The following ARID4B variants were observed in gnomAD, a reference collection of about 807,000 sequenced individuals.
The protein encoded by ARID4B is AT-rich interactive domain-containing protein 4B.
A neutral mutation model predicts 147.5 loss-of-function variants in ARID4B; 26 were observed. That is an observed-to-expected ratio of 0.18 (90% confidence interval 0.13 to 0.24). ARID4B has a LOEUF of 0.24. ARID4B is among the 10% of genes least tolerant of loss of function. The probability of loss-of-function intolerance (pLI) is 1.00; values close to 1 mark genes in which losing one functional copy is unlikely to be tolerated. For synonymous variants in ARID4B, 512 were observed against 507.9 expected, an observed-to-expected ratio of 1.01 and a Z score of -0.11; for missense variants, 1,179 against 1,511.5, an observed-to-expected ratio of 0.78 and a Z score of 3.65.
intron 17 of ARID4B, among the ~76,000 whole-genome samples, chr1:235,200,987 C>CAA: frequency 6.6e-6 from 1 of 151,550 alleles, no homozygotes; most frequent in Admixed American, 6.6e-5. Context: ...AATAAAAATA[C>CAA]AAAAAAAATT....
chr1:235,277,823 AT>A (rs1671437489), intron 2 of ARID4B, among the ~76,000 whole-genome samples: 1 of 152,158 alleles, frequency 6.6e-6, no homozygotes, highest in Non-Finnish European at 1.5e-5. Context: ...ATAAGAAACA[AT>A]TTCAAGATGA....
At chr1:235,315,544 T>C (rs1674368754) in intron 2 of ARID4B, among the ~76,000 whole-genome samples, 1 of 152,240 alleles carries the variant, frequency 6.6e-6, no homozygotes, top group Admixed American at 6.5e-5. Context: ...GACAGGTAAA[T>C]TTGTAACTTA....
chr1:235,186,936 T>A (rs1664723895), intron 19 of ARID4B: 1 of 244,748 alleles, frequency 4.1e-6, no homozygotes, highest in African/African-American at 2.4e-5. Flanking sequence ...CCTCAAGTGA[T>A]CTGCCCACCT....
At chr1:235,274,993 T>TTG (rs72168611) in intron 2 of ARID4B, among the ~76,000 whole-genome samples, 3,275 of 148,470 alleles carry the variant, frequency 0.022, 52 homozygotes, top group African/African-American at 0.041. Flanking sequence ...AGGCCTAATT[T>TTG]TGTGTGTGTG....
intron 23 of ARID4B, among the ~76,000 whole-genome samples, chr1:235,169,214 A>G (rs1467561229): frequency 6.6e-6 from 1 of 151,292 alleles, no homozygotes; most frequent in Non-Finnish European, 1.5e-5. Context: ...GAAGTCTCTC[A>G]CTGTTTCCTT....
At chr1:235,250,188 C>T (rs1669558945) in intron 6 of ARID4B, among the ~76,000 whole-genome samples, 1 of 151,912 alleles carries the variant, frequency 6.6e-6, no homozygotes, top group African/African-American at 2.4e-5. Flanking sequence ...CCATGAAAAT[C>T]CTGAATTTCA....
chr1:235,182,292 G>C lies in ARID4B; in HGVS notation c.2627C>G (p.Thr876Ser), dbSNP rs1456879118. Reference sequence around the variant, plus strand: ...TTCCTCCAAACCATTGTATTTCTTAGTTGGTGTCATCTTTGCTTTTGTTTC... The same window carrying C: ...TTCCTCCAAACCATTGTATTTCTTACTTGGTGTCATCTTTGCTTTTGTTTC... ...EEETKAKMTPTKKYNGLEEKR... is the reference protein window; with the variant it reads ...EEETKAKMTPSKKYNGLEEKR... The change falls in exon 20 of 24, where the codon ACT becomes AGT. Residue 876 changes from threonine (T) to serine (S), a missense_variant. Transcript: ENST00000264183. The C allele has an allele frequency of 6.2e-7, 1 of 1,613,874 alleles. No individual in the cohort carries two copies.
At chr1:235,183,773 C>CTTTT (rs71172266) in intron 19 of ARID4B, among the ~76,000 whole-genome samples, 72,383 of 151,088 alleles carry the variant, frequency 0.48, 17,626 homozygotes, top group South Asian at 0.6. Context: ...CTTTCTCTTT[C>CTTTT]CTTTCTCTTT....
At chr1:235,173,781 T>C (rs1358441903) in intron 22 of ARID4B, among the ~76,000 whole-genome samples, 1 of 47,036 alleles carries the variant, frequency 2.1e-5, no homozygotes, top group Non-Finnish European at 3.4e-5. Flanking sequence ...AATATATATA[T>C]ATATATATAT....
At chr1:235,327,020 C>G (rs998213941) in intron 1 of ARID4B, 52 bp from the exon 2 acceptor site, 6 of 1,246,854 alleles carry the variant, frequency 4.8e-6, no homozygotes, top group African/African-American at 4.5e-5. Flanking sequence ...CCCCTCTGCA[C>G]TGGCGGAGGC....
intron 16 of ARID4B, among the ~76,000 whole-genome samples, chr1:235,219,415 C>A (rs900046515): frequency 6.6e-5 from 10 of 152,074 alleles, no homozygotes; most frequent in African/African-American, 2.4e-4. Flanking sequence ...AGTATTTTTC[C>A]ACTCTTGCTT....
At position 235,220,571 on chromosome 1, in the gene ARID4B, T is replaced by G. The variant is rs575589174; in HGVS notation, c.1164-26A>C. 88 of 1,512,840 alleles carry G rather than the reference T, an allele frequency of 5.8e-5. 1 individual carries two copies. In the East Asian group the frequency reaches 1.9e-3, roughly 33 times the overall value. The allele number at this position is 1,512,840 out of a possible 1,614,324, so 93.7% of individuals were successfully genotyped here. A position where few individuals can be genotyped will look rare whatever the true frequency, so the allele number is the denominator to read the frequency against. On this transcript the variant is annotated intron_variant, in intron 14 of 23. Coordinates refer to ENST00000264183, the MANE Select transcript of ARID4B (RefSeq NM_016374.6). Reference sequence around the variant, plus strand: ...CTGGAAACATGAAGAGAAATTACATTTGGTGAAAACATTTCAAAATATAAC... The same window carrying G: ...CTGGAAACATGAAGAGAAATTACATGTGGTGAAAACATTTCAAAATATAAC...
intron 19 of ARID4B, among the ~76,000 whole-genome samples, chr1:235,191,599 C>G (rs139862994): frequency 6.6e-6 from 1 of 152,166 alleles, no homozygotes; most frequent in East Asian, 1.9e-4. Context: ...CTAGGTTTAT[C>G]AGAACTGGCT....
At chr1:235,266,465 C>T (rs1467167725) in intron 2 of ARID4B, among the ~76,000 whole-genome samples, 1 of 152,182 alleles carries the variant, frequency 6.6e-6, no homozygotes, top group Non-Finnish European at 1.5e-5. Flanking sequence ...AAATTACCAT[C>T]CCTTTGTTGA....
chr1:235,208,483 A>C (rs1038924206), intron 17 of ARID4B, among the ~76,000 whole-genome samples: 1 of 151,956 alleles, frequency 6.6e-6, no homozygotes, highest in Admixed American at 6.6e-5. Flanking sequence ...ACACTATAAT[A>C]TTAGTAATTT....
At chr1:235,237,335 T>A (rs543280281) in intron 8 of ARID4B, among the ~76,000 whole-genome samples, 1 of 152,288 alleles carries the variant, frequency 6.6e-6, no homozygotes, top group South Asian at 2.1e-4. Context: ...TACATCGGGA[T>A]AAATAATAAT....
At chr1:235,281,856 A>G (rs1481754657) in intron 2 of ARID4B, among the ~76,000 whole-genome samples, 1 of 152,250 alleles carries the variant, frequency 6.6e-6, no homozygotes, top group East Asian at 1.9e-4. Context: ...GACCAATAAG[A>G]AATGCTGAAA....
intron 17 of ARID4B, among the ~76,000 whole-genome samples, chr1:235,204,538 T>C (rs1428764607): frequency 1.3e-5 from 2 of 152,110 alleles, no homozygotes; most frequent in Non-Finnish European, 2.9e-5. Flanking sequence ...ATTATATCAA[T>C]AGGTTTTCCT....
intron 10 of ARID4B, among the ~76,000 whole-genome samples, chr1:235,230,648 G>A (rs12403014): frequency 0.29 from 42,672 of 146,404 alleles, 7,352 homozygotes; most frequent in South Asian, 0.53. Flanking sequence ...ATGGTTGGGC[G>A]CAGTGGCTCA....
Sources: gnomAD v4.1 joint callset for allele counts (sites outside exome capture counted in the v4.1 genomes callset) on GRCh38, gnomAD v4.1.1 for gene constraint, MANE v1.5 for transcripts, NCBI Gene and HGNC (gene_info 2026-07-23, HGNC 2026-07-21) for gene names.